The following NOCT variants were observed in gnomAD, a reference collection of about 807,000 sequenced individuals.
NOCT encodes the protein nocturnin.
Under a neutral mutation model 35.0 loss-of-function variants are expected in NOCT, and 18 were observed. That is an observed-to-expected ratio of 0.51 (90% CI 0.36 to 0.76). The LOEUF is 0.76. Among genes scored for constraint, NOCT ranks in the 30% least tolerant of loss-of-function variants. The pLI is 0.01. For synonymous variants in NOCT, 235 were observed against 226.3 expected, an observed-to-expected ratio of 1.04 and a Z score of -0.34; for missense variants, 479 against 541.0, an observed-to-expected ratio of 0.89 and a Z score of 1.14.
chr4:139,026,767 G>C (rs957750610), intron 1 of NOCT, among the ~76,000 whole-genome samples: 1 of 151,468 alleles, frequency 6.6e-6, no homozygotes, highest in Non-Finnish European at 1.5e-5. Flanking sequence ...GGCCAGGCTG[G>C]TCTTGAATTC....
At chr4:139,036,882 A>G (rs1242297503) in intron 1 of NOCT, among the ~76,000 whole-genome samples, 1 of 152,230 alleles carries the variant, frequency 6.6e-6, no homozygotes, top group Non-Finnish European at 1.5e-5. Flanking sequence ...TTAAGAGAGT[A>G]AAGTGCAAAG....
chr4:139,016,027 G>C lies in NOCT; in HGVS notation c.46G>C (p.Asp16His). The C allele has an allele frequency of 7.2e-7, 1 of 1,396,826 alleles. No individual in the cohort carries two copies. The highest frequency in any genetic ancestry group is 2.9e-5 in the Admixed American group (1 of 34,110). The allele number at this position is 1,396,826 out of a possible 1,614,324, so 86.5% of individuals were successfully genotyped here. A position where few individuals can be genotyped will look rare whatever the true frequency, so the allele number is the denominator to read the frequency against. The change falls in exon 1 of 3, where the codon GAC becomes CAC. Residue 16 changes from aspartate to histidine, a missense_variant. Asp to His is a moderately conservative substitution (Grantham distance 81). Around this residue, in one of 2 missense-constraint regions of NOCT, gnomAD observed 265 missense variants for 257.0 expected, o/e 1.03. Coordinates refer to ENST00000280614, the MANE Select transcript of NOCT (RefSeq NM_012118.4). ...GCTCTGCTCGGCCCTGCTGCAGAGG[G>C]ACGCGCCCGGCCTGCGCCGCCTGCC... The part of the protein sequence containing the change: ...RRLCSALLQR[D>H]APGLRRLPAP...
chr4:139,033,045 A>G (rs1023635011), intron 1 of NOCT, among the ~76,000 whole-genome samples: 3 of 151,772 alleles, frequency 2.0e-5, no homozygotes, highest in African/African-American at 7.3e-5. Flanking sequence ...AGGCTGAGGA[A>G]CAGAGCGAGA....
chr4:139,033,619 C>A (rs1340584286), intron 1 of NOCT, among the ~76,000 whole-genome samples: 4 of 150,772 alleles, frequency 2.7e-5, no homozygotes, highest in African/African-American at 9.8e-5. Context: ...ATGCAGTGAG[C>A]TATGATGGCA....
At chr4:139,028,987 C>T (rs949321751) in intron 1 of NOCT, among the ~76,000 whole-genome samples, 1 of 152,036 alleles carries the variant, frequency 6.6e-6, no homozygotes, top group Non-Finnish European at 1.5e-5. Flanking sequence ...TACAGGCACC[C>T]ACCACCACAT....
At chr4:139,018,060 C>T (rs1052829403) in intron 1 of NOCT, among the ~76,000 whole-genome samples, 1 of 151,872 alleles carries the variant, frequency 6.6e-6, no homozygotes, top group Non-Finnish European at 1.5e-5. Flanking sequence ...TATATTGTTC[C>T]TTAGAGTGAA....
intron 1 of NOCT, among the ~76,000 whole-genome samples, chr4:139,032,305 T>G (rs1181167145): frequency 1.2e-4 from 18 of 152,246 alleles, no homozygotes. Flanking sequence ...GCAGAAGAGA[T>G]AAAGCTATTT....
intron 1 of NOCT, among the ~76,000 whole-genome samples, chr4:139,035,433 G>A (rs945584352): frequency 4.6e-5 from 7 of 152,142 alleles, no homozygotes; most frequent in Non-Finnish European, 1.5e-5. Flanking sequence ...ACCACACCCA[G>A]CCTCAAGGCT....
chr4:139,044,659 A>G lies in NOCT; in HGVS notation c.481A>G (p.Asn161Asp), dbSNP rs1213243290. The G allele has an allele frequency of 6.2e-6, 10 of 1,610,686 alleles. No individual in the cohort carries two copies. Among genetic ancestry groups the G allele is most frequent in the Non-Finnish European group, 8.5e-6 (10 of 1,177,662 alleles). The change falls in exon 3 of 3, where the codon AAC (asparagine) becomes GAC (aspartate). Residue 161 changes from asparagine (N) to aspartate (D), a missense_variant. By Grantham distance (23) the Asn-to-Asp change is conservative. Around this residue, in one of 2 missense-constraint regions of NOCT, gnomAD observed 265 missense variants for 257.0 expected, o/e 1.03. Transcript: ENST00000280614. ...TTCAGCTCTTGGAGAAGGCAAAGAC[A>G]ACTTTGTACAGTGCCCTGTTGAAGC... ...LAQALGEGKD[N>D]FVQCPVEALK...
intron 2 of NOCT, chr4:139,044,003 T>TATATATATATAC (rs1405359118): frequency 2.3e-4 from 34 of 147,086 alleles, no homozygotes; most frequent in African/African-American, 7.9e-4. Flanking sequence ...TATATATATA[T>TATATATATATAC]ACACTTTGTT....
rs933834912 is a variant in NOCT, at chr4:139,045,629, G to A, written c.*155G>A. On this transcript the variant is annotated 3_prime_UTR_variant, in exon 3 of 3. Transcript: ENST00000280614. ...CCTCCCGGGTTCATGGCATTCTCCTGCCTCAGCCTCCAGAGCAACTGGGAC... is the reference window on the plus strand; with the variant it reads ...CCTCCCGGGTTCATGGCATTCTCCTACCTCAGCCTCCAGAGCAACTGGGAC... 7.8e-6 allele frequency: 4 copies of A among 513,834 alleles called. No individual in the cohort carries two copies. Among genetic ancestry groups the A allele is most frequent in the Non-Finnish European group, 1.3e-5 (4 of 301,208 alleles). 31.8% of individuals were successfully genotyped at this position (513,834 alleles called of 1,614,324 possible).
At chr4:139,016,340 C>G (rs1726300293) in intron 1 of NOCT, among the ~76,000 whole-genome samples, 169 bp downstream of exon 1, 1 of 152,072 alleles carries the variant, frequency 6.6e-6, no homozygotes, top group Non-Finnish European at 1.5e-5. Context: ...TTCCTCTTTC[C>G]CTGTTCCCCG....
rs1384206089 is a variant in NOCT at position 139,043,066 on chromosome 4, T to G, written c.191-8T>G. The G allele has an allele frequency of 8.8e-6, 14 of 1,582,910 alleles. No homozygotes were observed. Among genetic ancestry groups the G allele is most frequent in the Non-Finnish European group, 1.1e-5 (13 of 1,157,208 alleles). On this transcript the variant is annotated splice_region_variant and splice_polypyrimidine_tract_variant and intron_variant, in intron 1 of 2. Coordinates refer to ENST00000280614, the MANE Select transcript of NOCT (RefSeq NM_012118.4). ...CTGAGTGTGTAACTGTGATTTCCTT[T>G]TCCGTAGTGTGTTCCATGGGAACCG...
chr4:139,034,026 C>T (rs1678695641), intron 1 of NOCT, among the ~76,000 whole-genome samples: 1 of 152,048 alleles, frequency 6.6e-6, no homozygotes, highest in Non-Finnish European at 1.5e-5. Flanking sequence ...GCATAATAAG[C>T]GTATCTGCTT....
At position 139,016,053 on chromosome 4, in the gene NOCT, C is replaced by T. The variant is rs1274287414; in HGVS notation, c.72C>T (p.Pro24=). ...ACGCGCCCGGCCTGCGCCGCCTGCCCGCCCCAGGGCTGCGCCGCCCGTTGT... is the reference window on the plus strand; with the variant it reads ...ACGCGCCCGGCCTGCGCCGCCTGCCTGCCCCAGGGCTGCGCCGCCCGTTGT... The part of the protein sequence containing the change: ...QRDAPGLRRL[P]APGLRRPLSP... Residue 24 remains proline (P), a synonymous_variant, in exon 1 of 3, where the codon CCC becomes CCT. Transcript: ENST00000280614. The T allele has an allele frequency of 7.2e-7, 1 of 1,382,960 alleles. No homozygotes were observed. Among genetic ancestry groups the T allele is most frequent in the Non-Finnish European group, 9.4e-7 (1 of 1,067,204 alleles). The allele number at this position is 1,382,960 out of a possible 1,614,324, so 85.7% of individuals were successfully genotyped here.
chr4:139,023,686 CG>C lies in NOCT; in HGVS notation c.190+7519del, dbSNP rs1726462721. Among the ~76,000 whole-genome samples the C allele has an allele frequency of 3.3e-5, 5 of 151,970 alleles. No homozygotes were observed. The South Asian group carries it at 1.0e-3, about 31-fold the overall frequency. ...TAATTTTTTGTATTTTTAGTAGAGA[CG>C]GGGTTTTGCCATGTTGGTCAGGCTG... On this transcript the variant is annotated intron_variant, in intron 1 of 2. Coordinates refer to ENST00000280614, the MANE Select transcript of NOCT (RefSeq NM_012118.4).
intron 1 of NOCT, among the ~76,000 whole-genome samples, chr4:139,027,583 T>G (rs1056689963): frequency 1.3e-5 from 2 of 151,998 alleles, no homozygotes; most frequent in Non-Finnish European, 2.9e-5. Flanking sequence ...CACTGCAAGC[T>G]CCGCCTCCCG....
intron 1 of NOCT, among the ~76,000 whole-genome samples, chr4:139,030,576 A>G (rs893252242): frequency 6.6e-6 from 1 of 152,232 alleles, no homozygotes; most frequent in Non-Finnish European, 1.5e-5. Flanking sequence ...AAGGAGAGCC[A>G]TTGGTTGATC....
intron 1 of NOCT, among the ~76,000 whole-genome samples, chr4:139,026,550 C>A (rs1177587829): frequency 6.7e-6 from 1 of 148,268 alleles, no homozygotes; most frequent in Non-Finnish European, 1.5e-5. Flanking sequence ...ATTTTTCATA[C>A]TTCTTTTTTT....
Sources: allele counts gnomAD v4.1 joint callset (sites outside exome capture counted in the v4.1 genomes callset), GRCh38; gene constraint gnomAD v4.1.1; regional missense constraint gnomAD v4.1.1; transcripts MANE v1.5; gene names NCBI Gene and HGNC (gene_info 2026-07-23, HGNC 2026-07-21).